FAM47E: variants seen among roughly 807,000 people sequenced by gnomAD.
The protein encoded by FAM47E is family with sequence similarity 47 member E, also known as protein FAM47E.
FAM47E carries 32 observed loss-of-function variants against 41.6 expected under a neutral mutation model. The ratio of observed to expected loss-of-function variants is 0.77; its 90% CI spans 0.58 to 1.03. The LOEUF is 1.03. Among genes scored for constraint, FAM47E ranks in the 50% least tolerant of loss-of-function variants. FAM47E has a pLI of 0.00. For synonymous variants in FAM47E, 184 were observed against 188.7 expected (o/e 0.98, Z 0.20); for missense variants, 424 against 485.4 (o/e 0.87, Z 1.19).
At position 76,280,353 on chromosome 4, in the gene FAM47E, G is replaced by A; in HGVS notation, c.1104+12G>A. The A allele has an allele frequency of 6.7e-7, 1 of 1,493,302 alleles. No individual in the cohort carries two copies. Among genetic ancestry groups the A allele is most frequent in the Non-Finnish European group, 9.1e-7 (1 of 1,097,594 alleles). 92.5% of individuals were successfully genotyped at this position (1,493,302 alleles called of 1,614,324 possible). On this transcript the variant is annotated intron_variant, in intron 7 of 7. Coordinates refer to ENST00000424749, the MANE Select transcript of FAM47E (RefSeq NM_001136570.3). ...ACAGGACGCCACGTGTGAGTAAAGG[G>A]TCCTTTCAGAAGGCCCTGCTGAGGG...
chr4:76,224,055 T>G (rs778131411), intron 2 of FAM47E, among the ~76,000 whole-genome samples: 2 of 152,152 alleles, frequency 1.3e-5, no homozygotes, highest in African/African-American at 2.4e-5. Flanking sequence ...GAAAGACAAT[T>G]TATTATTGAA....
chr4:76,275,479 G>T (rs1276356792), intron 5 of FAM47E, among the ~76,000 whole-genome samples: 1 of 152,112 alleles, frequency 6.6e-6, no homozygotes, highest in Admixed American at 6.5e-5. Flanking sequence ...ACAGTAGTAG[G>T]TTTTTGAGCA....
intron 3 of FAM47E, among the ~76,000 whole-genome samples, chr4:76,266,897 T>G (rs1483376796): frequency 6.6e-6 from 1 of 152,214 alleles, no homozygotes; most frequent in Non-Finnish European, 1.5e-5. Context: ...TTTCTGTCTG[T>G]TATCTGCATG....
intron 3 of FAM47E, among the ~76,000 whole-genome samples, chr4:76,266,913 A>G (rs922154518): frequency 1.3e-5 from 2 of 152,110 alleles, no homozygotes; most frequent in African/African-American, 4.8e-5. Context: ...GCATGACTTG[A>G]CATTTACATG....
exon 1 of FAM47E, chr4:76,214,068 GC>G (rs965728236): frequency 1.7e-4 from 59 of 345,992 alleles, no homozygotes; most frequent in Non-Finnish European, 2.8e-4. Context: ...CCCAGCGCTC[GC>G]CCCACCGAAA....
chr4:76,240,919 G>T (rs1324508157), intron 2 of FAM47E, among the ~76,000 whole-genome samples: 1 of 151,948 alleles, frequency 6.6e-6, no homozygotes, highest in East Asian at 1.9e-4. Flanking sequence ...GACAGTTTCT[G>T]TTGGTTTATT....
intron 3 of FAM47E, 119 bp from the exon 4 acceptor site, chr4:76,268,541 C>T (rs982075954): frequency 2.0e-6 from 2 of 999,452 alleles, no homozygotes; most frequent in Non-Finnish European, 2.9e-6. Context: ...TGTATGTGAG[C>T]TTGCAAGAGA....
intron 6 of FAM47E, 100 bp downstream of exon 6, chr4:76,278,324 C>T (rs1735214370): frequency 1.6e-6 from 2 of 1,261,314 alleles, no homozygotes; most frequent in Admixed American, 7.3e-5. Context: ...AATACAAAGG[C>T]TCCTGAAAGC....
At chr4:76,245,197 A>G (rs939566359) in intron 2 of FAM47E, among the ~76,000 whole-genome samples, 4 of 151,958 alleles carry the variant, frequency 2.6e-5, no homozygotes, top group Non-Finnish European at 5.9e-5. Flanking sequence ...CTGAGTCATA[A>G]GTAACATACG....
chr4:76,274,219 C>T (rs1361727150), intron 5 of FAM47E, among the ~76,000 whole-genome samples: 1 of 152,084 alleles, frequency 6.6e-6, no homozygotes, highest in African/African-American at 2.4e-5. Flanking sequence ...TATTCTTGAA[C>T]TTTGTTCTGG....
At chr4:76,263,555 C>G (rs1267211454) in intron 2 of FAM47E, 149 bp from the exon 3 acceptor site, 8 of 849,680 alleles carry the variant, frequency 9.4e-6, no homozygotes, top group Non-Finnish European at 6.9e-6. Context: ...CCATAGCACC[C>G]AGCATAATAC....
In FAM47E at chr4:76,268,409, A is replaced by T. The variant is rs59492345; in HGVS notation, c.561-251A>T. 1.8e-3 allele frequency: 632 copies of T among 359,870 alleles called. 4 individuals carry two copies. The highest frequency in any genetic ancestry group is 0.011 in the African/African-American group (527 of 46,646). The allele number at this position is 359,870 out of a possible 1,614,324, so 22.3% of individuals were successfully genotyped here. ...TTTTAATAAATGGTACTCAAAATTT[A>T]AAAAAATCAACTTATAATGGTAAAT... is the stretch of plus-strand genomic sequence containing the variant. On this transcript the variant is annotated intron_variant, in intron 3 of 7. Transcript: ENST00000424749.
chr4:76,265,123 C>G (rs1261034624), intron 3 of FAM47E, among the ~76,000 whole-genome samples: 1 of 152,300 alleles, frequency 6.6e-6, no homozygotes. Context: ...GGGTAAGACA[C>G]AAGGTGAGAG....
At chr4:76,274,579 T>C (rs4859440) in intron 5 of FAM47E, among the ~76,000 whole-genome samples, 55,568 of 151,978 alleles carry the variant, frequency 0.37, 10,786 homozygotes, top group Admixed American at 0.43. Context: ...AGACTTTGTC[T>C]CTATTAAAAA....
chr4:76,236,680 G>C (rs960094198), intron 2 of FAM47E: 3 of 150,088 alleles, frequency 2.0e-5, no homozygotes, highest in East Asian at 2.0e-4. Flanking sequence ...GGTGGGGTAG[G>C]GTGGTGGGGG....
chr4:76,245,782 A>G (rs1168753108), intron 2 of FAM47E, among the ~76,000 whole-genome samples: 2 of 152,160 alleles, frequency 1.3e-5, no homozygotes, highest in Non-Finnish European at 2.9e-5. Flanking sequence ...GATCTCCACT[A>G]TCTTCCTTTA....
intron 4 of FAM47E, among the ~76,000 whole-genome samples, chr4:76,271,087 T>A (rs1253526165): frequency 6.6e-6 from 1 of 152,200 alleles, no homozygotes; most frequent in Non-Finnish European, 1.5e-5. Context: ...ACAGATTAGC[T>A]GCTCTTAATG....
At chr4:76,221,522 A>T (rs573776352) in intron 2 of FAM47E, among the ~76,000 whole-genome samples, 1 of 152,198 alleles carries the variant, frequency 6.6e-6, no homozygotes, top group South Asian at 2.1e-4. Flanking sequence ...ATTTCATCAC[A>T]CTGGCCAGGC....
At chr4:76,216,264 G>A (rs1733205769) in intron 1 of FAM47E, among the ~76,000 whole-genome samples, 1 of 152,094 alleles carries the variant, frequency 6.6e-6, no homozygotes, top group Admixed American at 6.5e-5. Flanking sequence ...CCCCTACCTA[G>A]GCATTGGTTG....
Sources: allele counts gnomAD v4.1 joint callset (sites outside exome capture counted in the v4.1 genomes callset), GRCh38; gene constraint gnomAD v4.1.1; transcripts MANE v1.5; gene names NCBI Gene and HGNC (gene_info 2026-07-23, HGNC 2026-07-21).